HOOK1: variants seen among roughly 807,000 people sequenced by gnomAD.
HOOK1 encodes the protein hook microtubule tethering protein 1, also known as protein Hook homolog 1.
HOOK1 carries 60 observed loss-of-function variants against 112.8 expected under a neutral mutation model. The ratio of observed to expected loss-of-function variants is 0.53; its 90% CI spans 0.43 to 0.66. The LOEUF (loss-of-function observed/expected upper bound fraction) is 0.66, where lower values mean the gene tolerates loss of function less well. HOOK1 is among the 30% of genes least tolerant of loss of function. The probability of loss-of-function intolerance (pLI) is 0.00; values close to 1 mark genes in which losing one functional copy is unlikely to be tolerated. For missense variants in HOOK1, 770 were observed against 856.0 expected (o/e 0.90, Z 1.25); for synonymous variants, 294 against 283.8 (o/e 1.04, Z -0.36).
At chr1:59,858,642 C>T (rs935414217) in intron 13 of HOOK1, 127 bp downstream of exon 13, 11 of 674,846 alleles carry the variant, frequency 1.6e-5, no homozygotes, top group African/African-American at 7.3e-5. Context: ...GAGGCTGAGG[C>T]GGGAGGATCA....
At chr1:59,835,719 G>C (rs1409592182) in intron 6 of HOOK1, among the ~76,000 whole-genome samples, 1 of 152,094 alleles carries the variant, frequency 6.6e-6, no homozygotes, top group Non-Finnish European at 1.5e-5. Context: ...ACAGACCCGG[G>C]GTGGCGGGCA....
At chr1:59,823,024 C>T (rs1222166587) in intron 2 of HOOK1, among the ~76,000 whole-genome samples, 2 of 152,036 alleles carry the variant, frequency 1.3e-5, no homozygotes, top group Admixed American at 1.3e-4. Context: ...AAAAATATTT[C>T]TTAAATGTTT....
chr1:59,845,898 GTTC>G (rs1421079512), intron 9 of HOOK1, among the ~76,000 whole-genome samples: 2 of 151,858 alleles, frequency 1.3e-5, no homozygotes, highest in African/African-American at 2.4e-5. Flanking sequence ...CATATTCTCT[GTTC>G]TTCTGTTTTC....
At chr1:59,818,757 C>A (rs756902972) in intron 1 of HOOK1, among the ~76,000 whole-genome samples, 1 of 151,956 alleles carries the variant, frequency 6.6e-6, no homozygotes, top group Non-Finnish European at 1.5e-5. Flanking sequence ...TTATTAAAAC[C>A]TCAATTATTT....
intron 15 of HOOK1, among the ~76,000 whole-genome samples, chr1:59,860,891 A>C (rs900722829): frequency 2.0e-5 from 3 of 149,938 alleles, no homozygotes; most frequent in African/African-American, 7.4e-5. Flanking sequence ...CTCCTGCCTC[A>C]CCCTCCCAAG....
At chr1:59,839,609 T>G (rs2098399862) in intron 7 of HOOK1, among the ~76,000 whole-genome samples, 1 of 152,220 alleles carries the variant, frequency 6.6e-6, no homozygotes, top group East Asian at 1.9e-4. Context: ...TGGGGTTTTC[T>G]AAATATACAA....
At chr1:59,859,094 T>G (rs1286229540) in intron 14 of HOOK1, 49 bp downstream of exon 14, 1 of 898,790 alleles carries the variant, frequency 1.1e-6, no homozygotes, top group Non-Finnish European at 1.5e-6. Context: ...ATTATAATTT[T>G]TTTGTTTTTT....
At chr1:59,823,116 C>A (rs748918635) in intron 2 of HOOK1, among the ~76,000 whole-genome samples, 2 of 152,164 alleles carry the variant, frequency 1.3e-5, no homozygotes, top group South Asian at 4.1e-4. Flanking sequence ...GTCAGCAGAT[C>A]GAGACCATCC....
intron 1 of HOOK1, 41 bp downstream of exon 1, chr1:59,815,221 C>G (rs1448683990): frequency 1.3e-6 from 2 of 1,529,928 alleles, no homozygotes; most frequent in Non-Finnish European, 1.8e-6. Flanking sequence ...GCCAGGGGGC[C>G]GAGGCGAGGA....
intron 12 of HOOK1, among the ~76,000 whole-genome samples, chr1:59,850,430 T>TA (rs1383357062): frequency 2.0e-5 from 3 of 151,436 alleles, no homozygotes; most frequent in South Asian, 2.1e-4. Context: ...GTGATGTTTC[T>TA]AAAAAAACCA....
rs1247841686 is a variant in HOOK1, at chr1:59,873,871, A to G, written c.*906A>G. On this transcript the variant is annotated 3_prime_UTR_variant, in exon 22 of 22. Coordinates refer to ENST00000371208, the MANE Select transcript of HOOK1 (RefSeq NM_015888.6). ...AGCTTCTGCTGAAAAATTGTATCAT[A>G]TAATAATTTTGCTTCATTGAAAAGG... 2 of 151,186 alleles carry G rather than the reference A, an allele frequency of 1.3e-5. No homozygotes were observed. Among genetic ancestry groups the G allele is most frequent in the African/African-American group, 4.9e-5 (2 of 41,220 alleles). 9.4% of individuals were successfully genotyped at this position (151,186 alleles called of 1,614,324 possible).
Position 59,872,907 on chromosome 1 carries a change from A to C in HOOK1, c.2129A>C (p.His710Pro). The change falls in exon 22 of 22, where the codon CAC (histidine) becomes CCC (proline). Residue 710 changes from histidine to proline, a missense_variant. Physicochemically the swap from His to Pro is moderately conservative, Grantham distance 77. Transcript: ENST00000371208. Reference protein sequence around the residue: ...PARSFLAQQRHITNTRRNLSV... With the variant: ...PARSFLAQQRPITNTRRNLSV... Reference sequence around the variant, plus strand: ...CGGTCTTTCTTAGCGCAGCAACGGCACATCACCAACACCAGAAGAAATCTC... The same window carrying C: ...CGGTCTTTCTTAGCGCAGCAACGGCCCATCACCAACACCAGAAGAAATCTC... 2 of 1,525,978 alleles carry C rather than the reference A, an allele frequency of 1.3e-6. No individual in the cohort carries two copies. Among genetic ancestry groups the C allele is most frequent in the Middle Eastern group, 1.7e-4 (1 of 5,906 alleles). The allele number at this position is 1,525,978 out of a possible 1,614,324, so 94.5% of individuals were successfully genotyped here.
Position 59,848,488 on chromosome 1 carries a change from G to A in HOOK1, c.1103G>A (p.Arg368His), listed in dbSNP as rs143143349. 6.2e-6 allele frequency: 10 copies of A among 1,608,744 alleles called. No individual in the cohort carries two copies. The highest frequency in any genetic ancestry group is 5.0e-5 in the Admixed American group (3 of 59,790). Residue 368 changes from arginine to histidine, a missense_variant, in exon 11 of 22, where the codon CGT becomes CAT. Coordinates refer to ENST00000371208, the MANE Select transcript of HOOK1 (RefSeq NM_015888.6). ...GAATTAAAAAAAGCAAATGCAGCAC[G>A]TACACAATTAGAAACATACAAAAGG... ...EEELKKANAA[R>H]TQLETYKRQV...
At chr1:59,844,524 G>T (rs546075932) in intron 9 of HOOK1, among the ~76,000 whole-genome samples, 42 of 152,028 alleles carry the variant, frequency 2.8e-4, no homozygotes, top group African/African-American at 1.0e-3. Context: ...ATCTGGTAGT[G>T]TAAGTATTCC....
intron 19 of HOOK1, 118 bp downstream of exon 19, chr1:59,866,090 A>G: frequency 1.6e-6 from 1 of 640,152 alleles, no homozygotes; most frequent in Admixed American, 3.0e-5. Flanking sequence ...TCTTAACTGT[A>G]TTGCCTTACC....
intron 6 of HOOK1, among the ~76,000 whole-genome samples, chr1:59,836,574 CTCTT>C (rs1429604371): frequency 2.0e-5 from 3 of 152,092 alleles, no homozygotes; most frequent in African/African-American, 7.2e-5. Context: ...AATGTGTTCA[CTCTT>C]TATCAGTAAT....
chr1:59,820,400 C>T lies in HOOK1; in HGVS notation c.64-1458C>T, dbSNP rs1005194505. On this transcript the variant is annotated intron_variant, in intron 1 of 21. Transcript: ENST00000371208. ...ATAAGTCCAAGCTTCTTGTCATGGC[C>T]CTTTGGAGTCCTGTCTCTTTAACCC... is the stretch of plus-strand genomic sequence containing the variant. Among the ~76,000 whole-genome samples, 6 of 152,064 alleles carry T rather than the reference C, an allele frequency of 3.9e-5. No homozygotes were observed. The East Asian group carries it at 1.2e-3, about 29-fold the overall frequency.
intron 20 of HOOK1, among the ~76,000 whole-genome samples, chr1:59,869,641 T>TCCTC (rs1345508077): frequency 6.6e-6 from 1 of 152,094 alleles, no homozygotes; most frequent in Non-Finnish European, 1.5e-5. Flanking sequence ...TAACACCCCC[T>TCCTC]CCTCCCTACA....
chr1:59,865,592 A>G (rs559088129), intron 18 of HOOK1, among the ~76,000 whole-genome samples: 100 of 152,196 alleles, frequency 6.6e-4, no homozygotes, highest in Non-Finnish European at 2.5e-4. Flanking sequence ...ACTGTAAGGT[A>G]TATTTGCTAT....
Sources: gnomAD v4.1 joint callset for allele counts (sites outside exome capture counted in the v4.1 genomes callset) on GRCh38, gnomAD v4.1.1 for gene constraint, MANE v1.5 for transcripts, NCBI Gene and HGNC (gene_info 2026-07-23, HGNC 2026-07-21) for gene names.